RIMS2: variants seen among roughly 807,000 people sequenced by gnomAD.
RIMS2 encodes the protein regulating synaptic membrane exocytosis protein 2.
Under a neutral mutation model 174.4 loss-of-function variants are expected in RIMS2, and 59 were observed. The observed-to-expected ratio is 0.34, with a 90% CI of 0.27 to 0.42. The LOEUF is 0.42. Among genes scored for constraint, RIMS2 ranks in the 10% least tolerant of loss-of-function variants. The probability of loss-of-function intolerance (pLI) is 1.00; values close to 1 mark genes in which losing one functional copy is unlikely to be tolerated. For synonymous variants in RIMS2, 606 were observed against 572.5 expected (o/e 1.06, Z -0.84); for missense variants, 1,620 against 1,666.3 (o/e 0.97, Z 0.48).
At chr8:103,610,426 C>A (rs1251881652) in intron 1 of RIMS2, among the ~76,000 whole-genome samples, 1 of 152,126 alleles carries the variant, frequency 6.6e-6, no homozygotes, top group South Asian at 2.1e-4. Context: ...AAGGGGAATG[C>A]CTCCAGCTTT....
chr8:103,915,534 G>A, exon 7 of RIMS2: 2 of 1,607,034 alleles, frequency 1.2e-6, no homozygotes, highest in Non-Finnish European at 1.7e-6. Context: ...TCGGCTTTGT[G>A]CATTTATTAC....
At position 103,848,600 on chromosome 8, in the gene RIMS2, C is replaced by G. The variant is rs118154241; in HGVS notation, c.699-36698C>G. Among the ~76,000 whole-genome samples the G allele has an allele frequency of 2.4e-3, 368 of 152,116 alleles. 3 individuals carry two copies. The highest frequency in any genetic ancestry group is 3.6e-3 in the Non-Finnish European group (247 of 67,944). Reference sequence around the variant, plus strand: ...TGAGATCAGATGTTCCATTTCTACCCTGACTACATGACCTGAATGGTTTTC... The same window carrying G: ...TGAGATCAGATGTTCCATTTCTACCGTGACTACATGACCTGAATGGTTTTC... On this transcript the variant is annotated intron_variant, in intron 3 of 23. Coordinates refer to ENST00000504942, the Ensembl canonical transcript of RIMS2.
intron 1 of RIMS2, among the ~76,000 whole-genome samples, chr8:103,624,227 G>A (rs2095718309): frequency 6.6e-6 from 1 of 152,212 alleles, no homozygotes; most frequent in Non-Finnish European, 1.5e-5. Context: ...TCAGTAAAGT[G>A]AATTGCCCTG....
At chr8:103,566,789 T>C (rs912329498) in intron 1 of RIMS2, among the ~76,000 whole-genome samples, 6 of 152,314 alleles carry the variant, frequency 3.9e-5, no homozygotes, top group South Asian at 2.1e-4. Context: ...GGCCAGTTCT[T>C]ACTCAGTTAT....
At chr8:103,865,122 G>A (rs191592926) in intron 3 of RIMS2, among the ~76,000 whole-genome samples, 28 of 151,118 alleles carry the variant, frequency 1.9e-4, no homozygotes, top group Non-Finnish European at 3.8e-4. Flanking sequence ...GTTTATATGA[G>A]GTTTGGTAAT....
chr8:103,970,918 T>G (rs2092796579), intron 15 of RIMS2, among the ~76,000 whole-genome samples: 1 of 152,188 alleles, frequency 6.6e-6, no homozygotes, highest in Non-Finnish European at 1.5e-5. Flanking sequence ...AGTCTTTAAG[T>G]CAGAGGTAAC....
At chr8:103,982,448 AAAC>A (rs1397407973) in intron 16 of RIMS2, among the ~76,000 whole-genome samples, 1 of 151,932 alleles carries the variant, frequency 6.6e-6, no homozygotes, top group Non-Finnish European at 1.5e-5. Flanking sequence ...TAAAAAAAAA[AAAC>A]TACAGACCAA....
At chr8:103,583,235 G>A (rs1041691222) in intron 1 of RIMS2, among the ~76,000 whole-genome samples, 12 of 152,312 alleles carry the variant, frequency 7.9e-5, no homozygotes, top group African/African-American at 2.4e-4. Context: ...TGGGCTTGGG[G>A]TGCTCTCTAA....
intron 1 of RIMS2, among the ~76,000 whole-genome samples, chr8:103,583,902 C>G (rs1232526748): frequency 6.6e-6 from 1 of 150,512 alleles, no homozygotes; most frequent in South Asian, 2.1e-4. Flanking sequence ...GGGGGAAAAA[C>G]ACACACAATG....
intron 19 of RIMS2, among the ~76,000 whole-genome samples, chr8:104,221,514 A>G (rs1013503850): frequency 2.6e-5 from 4 of 152,206 alleles, no homozygotes; most frequent in Non-Finnish European, 5.9e-5. Flanking sequence ...TAAAAGTGAT[A>G]TGGTTTGAAA....
In RIMS2 at chr8:103,663,011, A is replaced by T. The variant is rs143668973; in HGVS notation, c.177-34075A>T. Among the ~76,000 whole-genome samples, 570 of 152,210 alleles carry T rather than the reference A, an allele frequency of 3.7e-3. 8 individuals carry two copies. Among genetic ancestry groups the T allele is most frequent in the African/African-American group, 0.013 (541 of 41,522 alleles). On this transcript the variant is annotated intron_variant, in intron 1 of 23. Transcript: ENST00000504942. ...TGGTGAAACCCCGTGTCTACTAAAA[A>T]TACAAAAAATTAGCTGGGCATAATG... is the stretch of plus-strand genomic sequence containing the variant.
chr8:103,597,919 C>T (rs1468960312), intron 1 of RIMS2, among the ~76,000 whole-genome samples: 3 of 152,036 alleles, frequency 2.0e-5, no homozygotes, highest in East Asian at 3.8e-4. Flanking sequence ...TCCGATATTG[C>T]ACTTAAAAGT....
chr8:104,096,878 AAAAAAAAAAAG>A (rs1203552965), intron 19 of RIMS2, among the ~76,000 whole-genome samples: 1 of 150,380 alleles, frequency 6.6e-6, no homozygotes, highest in Non-Finnish European at 1.5e-5. Flanking sequence ...CCCCCACCAA[AAAAAAAAAAAG>A]AAAAAGAAAA....
intron 1 of RIMS2, among the ~76,000 whole-genome samples, chr8:103,508,748 G>C (rs1345712682): frequency 6.6e-6 from 1 of 152,044 alleles, no homozygotes. Flanking sequence ...GCACTATTTA[G>C]GAGATTCTTA....
intron 2 of RIMS2, among the ~76,000 whole-genome samples, chr8:103,737,175 C>CTTTTTTTTTT (rs554949027): frequency 1.5e-5 from 1 of 67,528 alleles, no homozygotes; most frequent in African/African-American, 6.2e-5. Context: ...TTTCTTTGTT[C>CTTTTTTTTTT]TTTTTTTTTT....
chr8:104,019,122 T>G (rs2096012877), intron 19 of RIMS2, among the ~76,000 whole-genome samples: 1 of 152,094 alleles, frequency 6.6e-6, no homozygotes, highest in Non-Finnish European at 1.5e-5. Context: ...CACTTGAACC[T>G]GGGAGGCAGA....
intron 14 of RIMS2, among the ~76,000 whole-genome samples, chr8:103,959,496 C>T (rs1392806818): frequency 3.3e-5 from 5 of 151,846 alleles, no homozygotes; most frequent in African/African-American, 1.2e-4. Flanking sequence ...GATCTTGGCT[C>T]ACTGCAACCT....
intron 1 of RIMS2, among the ~76,000 whole-genome samples, chr8:103,590,563 T>C (rs573922134): frequency 1.3e-5 from 2 of 151,328 alleles, no homozygotes; most frequent in East Asian, 1.9e-4. Context: ...AAGAATTTTA[T>C]AGTGAACACC....
At chr8:104,036,220 G>A (rs1301698465) in intron 19 of RIMS2, among the ~76,000 whole-genome samples, 7 of 151,388 alleles carry the variant, frequency 4.6e-5, no homozygotes, top group Non-Finnish European at 5.9e-5. Context: ...GTGCATTCTC[G>A]GCTCACTGCA....
Sources: gnomAD v4.1 joint callset for allele counts (sites outside exome capture counted in the v4.1 genomes callset) on GRCh38, gnomAD v4.1.1 for gene constraint, MANE v1.5 for transcripts, NCBI Gene and HGNC (gene_info 2026-07-23, HGNC 2026-07-21) for gene names.